The following FHIT variants were observed in gnomAD, a reference collection of about 807,000 sequenced individuals.
FHIT encodes the protein fragile histidine triad diadenosine triphosphatase, also known as bis(5'-adenosyl)-triphosphatase.
FHIT carries 19 observed loss-of-function variants against 17.9 expected under a neutral mutation model. The observed-to-expected ratio is 1.06, with a 90% CI of 0.74 to 1.56. FHIT has a LOEUF of 1.56. FHIT is among the 40% of genes most tolerant of loss of function. The pLI, the probability that FHIT is intolerant of heterozygous loss-of-function variation, is 0.00. For synonymous variants in FHIT, 81 were observed against 69.7 expected (o/e 1.16, Z -0.81); for missense variants, 248 against 189.2 (o/e 1.31, Z -1.82).
At chr3:60,672,010 C>A (rs1553694036) in intron 4 of FHIT, among the ~76,000 whole-genome samples, 1 of 151,934 alleles carries the variant, frequency 6.6e-6, no homozygotes, top group Non-Finnish European at 1.5e-5. Flanking sequence ...TATGATATGT[C>A]CCTCTTTATC....
At chr3:60,083,008 T>C (rs1351545246) in intron 5 of FHIT, among the ~76,000 whole-genome samples, 1 of 152,172 alleles carries the variant, frequency 6.6e-6, no homozygotes, top group East Asian at 1.9e-4. Context: ...GTTACATTGC[T>C]TTTGAAGACT....
chr3:61,048,775 C>A (rs1228734599), intron 2 of FHIT, among the ~76,000 whole-genome samples: 2 of 152,100 alleles, frequency 1.3e-5, no homozygotes, highest in African/African-American at 4.8e-5. Flanking sequence ...CACATATACA[C>A]CATGGAATAC....
chr3:59,807,137 T>C (rs111699032), intron 8 of FHIT, among the ~76,000 whole-genome samples: 84 of 152,256 alleles, frequency 5.5e-4, no homozygotes, highest in Non-Finnish European at 9.7e-4. Context: ...ATAAGAGATA[T>C]ATACATAGGT....
intron 5 of FHIT, among the ~76,000 whole-genome samples, chr3:60,316,296 T>G (rs1158143252): frequency 6.6e-6 from 1 of 152,186 alleles, no homozygotes; most frequent in African/African-American, 2.4e-5. Flanking sequence ...ACCAGCATGA[T>G]TTTTATAGAT....
In FHIT at chr3:59,747,390, C is replaced by G. The variant is rs181884158; in HGVS notation, c.*2195G>C. ...AAGACAGCGTATTCAGGGGAAATGT[C>G]CTTTATAAAACCATCACTATCAATC... On this transcript the variant is annotated 3_prime_UTR_variant, in exon 10 of 10. Coordinates refer to ENST00000492590, the MANE Select transcript of FHIT (RefSeq NM_002012.4). 6.6e-6 allele frequency among the ~76,000 whole-genome samples: 1 copy of G among 152,034 alleles called. No homozygotes were observed. The highest frequency in any genetic ancestry group is 2.4e-5 in the African/African-American group (1 of 41,402).
rs1230730603 is a variant in FHIT, at chr3:60,509,284, C to T, written c.103+27576G>A. Among the ~76,000 whole-genome samples the T allele has an allele frequency of 2.6e-5, 4 of 152,144 alleles. No homozygotes were observed. The East Asian group carries it at 7.7e-4, about 29-fold the overall frequency. On this transcript the variant is annotated intron_variant, in intron 5 of 9. Transcript: ENST00000492590. Reference sequence around the variant, plus strand: ...ACCGCAACCAGGATACCCAGAGCTGCCCCAACTTCTATTATTTCTGAGGCC... The same window carrying T: ...ACCGCAACCAGGATACCCAGAGCTGTCCCAACTTCTATTATTTCTGAGGCC...
At chr3:60,506,996 A>T (rs2034759728) in intron 5 of FHIT, among the ~76,000 whole-genome samples, 1 of 152,222 alleles carries the variant, frequency 6.6e-6, no homozygotes, top group African/African-American at 2.4e-5. Flanking sequence ...AGTGAAAAAA[A>T]AGCATATACT....
chr3:61,059,248 C>T (rs1158187319), intron 2 of FHIT, among the ~76,000 whole-genome samples: 1 of 152,196 alleles, frequency 6.6e-6, no homozygotes, highest in African/African-American at 2.4e-5. Flanking sequence ...CACAGTATCC[C>T]ATCGACCACA....
chr3:60,580,782 T>C (rs2037724917), intron 4 of FHIT, among the ~76,000 whole-genome samples: 1 of 152,048 alleles, frequency 6.6e-6, no homozygotes, highest in Admixed American at 6.6e-5. Context: ...TTCCTATCAA[T>C]TAGTTGAGGC....
At chr3:60,981,023 T>C (rs1710468848) in intron 3 of FHIT, among the ~76,000 whole-genome samples, 1 of 152,296 alleles carries the variant, frequency 6.6e-6, no homozygotes, top group African/African-American at 2.4e-5. Context: ...TGCCTAGCCA[T>C]GGACCCTGTC....
At chr3:60,448,662 C>A (rs1352447767) in intron 5 of FHIT, among the ~76,000 whole-genome samples, 1 of 152,124 alleles carries the variant, frequency 6.6e-6, no homozygotes, top group Non-Finnish European at 1.5e-5. Context: ...CTTTACTGGC[C>A]TCCTGGACAG....
At chr3:60,962,840 A>G (rs1709529578) in intron 3 of FHIT, among the ~76,000 whole-genome samples, 3 of 152,188 alleles carry the variant, frequency 2.0e-5, no homozygotes, top group South Asian at 4.1e-4. Context: ...CCAGTATTTT[A>G]TTGAGGATTT....
intron 5 of FHIT, among the ~76,000 whole-genome samples, chr3:60,363,914 C>T (rs958559390): frequency 6.6e-6 from 1 of 152,164 alleles, no homozygotes; most frequent in Non-Finnish European, 1.5e-5. Context: ...CCTCTAAAGG[C>T]AGGCTCTTCT....
intron 7 of FHIT, among the ~76,000 whole-genome samples, chr3:59,968,437 A>G (rs76282673): frequency 0.1 from 15,824 of 151,784 alleles, 912 homozygotes; most frequent in Middle Eastern, 0.18. Flanking sequence ...AAACAAAAAC[A>G]AAAACAAAAA....
chr3:60,279,276 T>G (rs213361), intron 5 of FHIT, among the ~76,000 whole-genome samples: 30,238 of 151,970 alleles, frequency 0.2, 3,259 homozygotes, highest in South Asian at 0.36. Context: ...GATCTCAAAT[T>G]TGATAACTTA....
intron 5 of FHIT, among the ~76,000 whole-genome samples, chr3:60,294,960 G>A (rs1342108451): frequency 1.3e-5 from 2 of 152,060 alleles, no homozygotes; most frequent in African/African-American, 4.8e-5. Flanking sequence ...CTAGTTTTTG[G>A]CCATTATGAA....
intron 8 of FHIT, among the ~76,000 whole-genome samples, chr3:59,795,502 T>C (rs1005198444): frequency 6.6e-6 from 1 of 152,088 alleles, no homozygotes; most frequent in East Asian, 1.9e-4. Flanking sequence ...TAAGTTTAAT[T>C]GTGTGATAAG....
intron 4 of FHIT, among the ~76,000 whole-genome samples, chr3:60,565,781 G>T (rs537092940): frequency 2.0e-5 from 3 of 152,214 alleles, no homozygotes; most frequent in South Asian, 4.1e-4. Context: ...TCTGATCTTA[G>T]TTATTTCTTG....
At chr3:61,064,403 C>T (rs1184954476) in intron 2 of FHIT, among the ~76,000 whole-genome samples, 1 of 152,124 alleles carries the variant, frequency 6.6e-6, no homozygotes, top group African/African-American at 2.4e-5. Context: ...GGAATGAAAG[C>T]ATGAAAGGAG....
Sources: allele counts gnomAD v4.1 joint callset (sites outside exome capture counted in the v4.1 genomes callset), GRCh38; gene constraint gnomAD v4.1.1; transcripts MANE v1.5; gene names NCBI Gene and HGNC (gene_info 2026-07-23, HGNC 2026-07-21).